Variants in IQGAP1 observed in about 807,000 individuals in gnomAD.
IQGAP1 encodes the protein ras GTPase-activating-like protein IQGAP1.
Under a neutral mutation model 215.6 loss-of-function variants are expected in IQGAP1, and 66 were observed. The ratio of observed to expected loss-of-function variants is 0.31; its 90% confidence interval spans 0.25 to 0.38. The LOEUF (loss-of-function observed/expected upper bound fraction) is 0.38, where lower values mean the gene tolerates loss of function less well. Ranked by LOEUF, IQGAP1 falls within the 10% of genes least tolerant of loss-of-function variation. The pLI is 1.00. For missense variants in IQGAP1, 1,712 were observed against 1,997.1 expected (o/e 0.86, Z 2.72); for synonymous variants, 772 against 728.7 (o/e 1.06, Z -0.96).
chr15:90,477,801 G>A lies in IQGAP1; in HGVS notation c.3241G>A (p.Asp1081Asn). The A allele has an allele frequency of 6.2e-7, 1 of 1,614,024 alleles. No homozygotes were observed. Among genetic ancestry groups the A allele is most frequent in the Non-Finnish European group, 8.5e-7 (1 of 1,179,976 alleles). Residue 1081 changes from aspartate to asparagine, a missense_variant, in exon 26 of 38, where the codon GAT becomes AAT. Asp to Asn is a conservative substitution (Grantham distance 23). Transcript: ENST00000268182. Reference sequence around the variant, plus strand: ...GGCCCCAGTCGTGAAGGAAATTATGGATGACAAATCTCTCAACATCAAAAC... The same window carrying A: ...GGCCCCAGTCGTGAAGGAAATTATGAATGACAAATCTCTCAACATCAAAAC... ...ILAPVVKEIM[D>N]DKSLNIKTDP...
At chr15:90,420,641 G>C (rs1310970168) in intron 2 of IQGAP1, among the ~76,000 whole-genome samples, 1 of 152,200 alleles carries the variant, frequency 6.6e-6, no homozygotes, top group Non-Finnish European at 1.5e-5. Flanking sequence ...TTCCATCCTT[G>C]AGATTCTATG....
intron 35 of IQGAP1, among the ~76,000 whole-genome samples, chr15:90,493,513 T>C (rs1292736010): frequency 6.6e-6 from 1 of 152,246 alleles, no homozygotes; most frequent in Non-Finnish European, 1.5e-5. Context: ...GAGCAGGTTT[T>C]ACTTGCAGGG....
At chr15:90,440,733 A>T (rs181392566) in intron 7 of IQGAP1, 118 bp downstream of exon 7, 58 of 651,520 alleles carry the variant, frequency 8.9e-5, no homozygotes, top group African/African-American at 2.0e-4. Context: ...AAGTCCACAG[A>T]TGTAGTTGTA....
intron 26 of IQGAP1, among the ~76,000 whole-genome samples, chr15:90,481,559 C>T (rs1966059665): frequency 6.6e-6 from 1 of 152,160 alleles, no homozygotes. Context: ...AGCATCCCTT[C>T]GTTTTGGAAG....
chr15:90,396,778 A>G (rs563859767), intron 2 of IQGAP1, among the ~76,000 whole-genome samples: 3 of 152,118 alleles, frequency 2.0e-5, no homozygotes, highest in African/African-American at 4.8e-5. Context: ...CACTGTTGCA[A>G]ATGGGGAGTA....
intron 2 of IQGAP1, among the ~76,000 whole-genome samples, chr15:90,396,671 G>T (rs1446036081): frequency 1.3e-5 from 2 of 151,936 alleles, no homozygotes; most frequent in Non-Finnish European, 1.5e-5. Flanking sequence ...TTAATTTAGT[G>T]CAACGGCCTT....
chr15:90,388,437 C>T, intron 1 of IQGAP1, 41 bp downstream of exon 1: 1 of 1,331,122 alleles, frequency 7.5e-7, no homozygotes, highest in Non-Finnish European at 1.0e-6. Flanking sequence ...TCGGGCTGGG[C>T]TAATTGCAGA....
rs28452450 is a variant in IQGAP1, at chr15:90,461,994, A to G, written c.1777-4007A>G. ...CTCTACTAAAAACACAAAAAAAAAA[A>G]AAAAAGAAAAAAAAAAAATTAGCCC... On this transcript the variant is annotated intron_variant, in intron 15 of 37. Transcript: ENST00000268182. 0.012 allele frequency among the ~76,000 whole-genome samples: 149 copies of G among 12,242 alleles called. 5 individuals carry two copies. In the East Asian group the frequency reaches 0.17, roughly 14 times the overall value. 8.0% of individuals were successfully genotyped at this position (12,242 alleles called of 152,430 possible). A position where few individuals can be genotyped will look rare whatever the true frequency, so the allele number is the denominator to read the frequency against.
Position 90,453,164 on chromosome 15 carries a change from A to G in IQGAP1, c.1359A>G (p.Ala453=), listed in dbSNP as rs377167994. 28 of 1,613,656 alleles carry G rather than the reference A, an allele frequency of 1.7e-5. 1 individual carries two copies. In the African/African-American group the frequency reaches 3.2e-4, roughly 18 times the overall value. The change falls in exon 13 of 38, where the codon GCA becomes GCG. Residue 453 remains alanine (A), a synonymous_variant. Coordinates refer to ENST00000268182, the MANE Select transcript of IQGAP1 (RefSeq NM_003870.4). The part of the protein sequence containing the change: ...HNLTHPELSV[A]VEMLSSVALI... ...TCACCCACCCAGAGCTCTCTGTCGC[A>G]GTGGAGATGTTGTCATCGGTGGCCC...
In IQGAP1 at chr15:90,484,136, T is replaced by G. The variant is rs529999537; in HGVS notation, c.3789-84T>G. On this transcript the variant is annotated intron_variant, in intron 29 of 37. Coordinates refer to ENST00000268182, the MANE Select transcript of IQGAP1 (RefSeq NM_003870.4). ...TTGACTGGCTTCTGTTTGCACTCAT[T>G]GTGTGAGAGGTTTGTGAAATGTCCT... The G allele has an allele frequency of 1.4e-5, 17 of 1,221,220 alleles. No homozygotes were observed. In the East Asian group the frequency reaches 4.0e-4, roughly 29 times the overall value. 75.6% of individuals were successfully genotyped at this position (1,221,220 alleles called of 1,614,324 possible).
intron 2 of IQGAP1, among the ~76,000 whole-genome samples, chr15:90,412,630 C>T (rs534286689): frequency 1.7e-3 from 263 of 152,270 alleles, no homozygotes; most frequent in Non-Finnish European, 3.4e-3. Context: ...ATTCCTTTCT[C>T]TCAAGACTTA....
chr15:90,388,807 G>A (rs1040600688), intron 1 of IQGAP1, among the ~76,000 whole-genome samples: 1 of 152,198 alleles, frequency 6.6e-6, no homozygotes, highest in Non-Finnish European at 1.5e-5. Context: ...TGTTGCCTGC[G>A]GGGTAGACCC....
At chr15:90,392,015 C>T (rs976631778) in intron 2 of IQGAP1, 1 of 152,184 alleles carries the variant, frequency 6.6e-6, no homozygotes, top group Non-Finnish European at 1.5e-5. Flanking sequence ...CAACAAACAT[C>T]ATTGTATTCC....
chr15:90,398,182 G>A (rs930700822), intron 2 of IQGAP1, among the ~76,000 whole-genome samples: 3 of 152,116 alleles, frequency 2.0e-5, no homozygotes, highest in South Asian at 2.1e-4. Flanking sequence ...CACTGTGCCC[G>A]GCCTCCTGAA....
At chr15:90,494,554 T>C (rs1197062814) in intron 35 of IQGAP1, 159 bp from the exon 36 acceptor site, 2 of 492,572 alleles carry the variant, frequency 4.1e-6, no homozygotes, top group Non-Finnish European at 7.2e-6. Flanking sequence ...GAGATATTGC[T>C]TAGGCTAATT....
At chr15:90,414,748 T>A (rs1415460114) in intron 2 of IQGAP1, among the ~76,000 whole-genome samples, 3 of 152,152 alleles carry the variant, frequency 2.0e-5, no homozygotes, top group African/African-American at 7.2e-5. Flanking sequence ...TTTTCCAGAT[T>A]TAGGTCTTCA....
intron 11 of IQGAP1, among the ~76,000 whole-genome samples, chr15:90,450,474 G>A (rs562959482): frequency 6.6e-6 from 1 of 150,864 alleles, no homozygotes; most frequent in East Asian, 2.0e-4. Context: ...CATATACCTA[G>A]CAATGGGATT....
chr15:90,493,257 C>T (rs558630237), intron 35 of IQGAP1, among the ~76,000 whole-genome samples: 25 of 151,784 alleles, frequency 1.6e-4, no homozygotes, highest in Non-Finnish European at 2.5e-4. Context: ...AAAAAATCTT[C>T]TTGGCCTTAG....
intron 18 of IQGAP1, among the ~76,000 whole-genome samples, chr15:90,468,929 C>T (rs2238326): frequency 1.3e-5 from 2 of 152,170 alleles, no homozygotes; most frequent in South Asian, 2.1e-4. Flanking sequence ...TTCCTTACCC[C>T]CTTCATCTTC....
Sources: gnomAD v4.1 joint callset for allele counts (sites outside exome capture counted in the v4.1 genomes callset) on GRCh38, gnomAD v4.1.1 for gene constraint, MANE v1.5 for transcripts, NCBI Gene and HGNC (gene_info 2026-07-23, HGNC 2026-07-21) for gene names.